The following CERS3 variants were observed in gnomAD, a reference collection of about 807,000 sequenced individuals.
The protein encoded by CERS3 is ceramide synthase 3.
In CERS3, 33 loss-of-function variants were observed where a neutral mutation model predicts 50.3. The ratio of observed to expected loss-of-function variants is 0.66; its 90% CI spans 0.50 to 0.88. The LOEUF is 0.88. CERS3 is among the 40% of genes least tolerant of loss of function. CERS3 has a pLI of 0.00. For synonymous variants in CERS3, 176 were observed against 155.2 expected (o/e 1.13, Z -0.99); for missense variants, 470 against 460.3 (o/e 1.02, Z -0.19).
chr15:100,432,579 C>G (rs1322765384), intron 11 of CERS3, among the ~76,000 whole-genome samples: 1 of 152,092 alleles, frequency 6.6e-6, no homozygotes, highest in East Asian at 1.9e-4. Context: ...GAAAACAGAC[C>G]TGCTTGATTT....
intron 4 of CERS3, among the ~76,000 whole-genome samples, chr15:100,486,432 C>T (rs8040700): frequency 0.069 from 10,536 of 152,272 alleles, 511 homozygotes; most frequent in Non-Finnish European, 0.11. Context: ...GTTTGCTACC[C>T]ACCTCCGAGG....
rs1555528069 is a variant in CERS3 at position 100,466,832 on chromosome 15, C to CTCTCTTTCTCTCTTTCTCTCTTTCTCTCT, written c.845+2545_845+2546insAGAGAGAAAGAGAGAAAGAGAGAAAGAGA. Among the ~76,000 whole-genome samples, 5 of 18,780 alleles carry CTCTCTTTCTCTCTTTCTCTCTTTCTCTCT rather than the reference C, an allele frequency of 2.7e-4. 1 individual carries two copies. Among genetic ancestry groups the CTCTCTTTCTCTCTTTCTCTCTTTCTCTCT allele is most frequent in the Non-Finnish European group, 3.6e-4 (3 of 8,362 alleles). 12.3% of individuals were successfully genotyped at this position (18,780 alleles called of 152,430 possible). On this transcript the variant is annotated intron_variant, in intron 10 of 11. Coordinates refer to ENST00000679737, the MANE Select transcript of CERS3 (RefSeq NM_001378789.1). ...CCCTCCCTCCCTCTCTCCCTCTCTC[C>CTCTCTTTCTCTCTTTCTCTCTTTCTCTCT]CTCTCTCCCTCTCTCTTTCTCTCTT...
chr15:100,521,462 C>T (rs919760286), intron 2 of CERS3, among the ~76,000 whole-genome samples: 10 of 152,126 alleles, frequency 6.6e-5, no homozygotes, highest in African/African-American at 2.4e-4. Flanking sequence ...CTTTCTCCTG[C>T]ATCTCCGCTT....
intron 11 of CERS3, among the ~76,000 whole-genome samples, chr15:100,417,044 G>C (rs1472246177): frequency 6.6e-6 from 1 of 152,180 alleles, no homozygotes; most frequent in Non-Finnish European, 1.5e-5. Context: ...ACACCAGTCA[G>C]AACGGCTATG....
chr15:100,405,413 T>C lies in CERS3; in HGVS notation c.1000-2548A>G, dbSNP rs74791154. On this transcript the variant is annotated intron_variant, in intron 11 of 11. Coordinates refer to ENST00000679737, the MANE Select transcript of CERS3 (RefSeq NM_001378789.1). ...TGATGATGTACAACTACAAACCCATTAGAATAGCACAAGTTAAAATGACTG... is the reference window on the plus strand; with the variant it reads ...TGATGATGTACAACTACAAACCCATCAGAATAGCACAAGTTAAAATGACTG... Among the ~76,000 whole-genome samples the C allele has an allele frequency of 5.2e-3, 794 of 152,122 alleles. 7 individuals are homozygous for C. Among genetic ancestry groups the C allele is most frequent in the African/African-American group, 0.018 (761 of 41,518 alleles).
Position 100,476,118 on chromosome 15 carries a change from A to G in CERS3, c.577T>C (p.Leu193=). Residue 193 remains leucine, a synonymous_variant, in exon 8 of 12, where the codon TTA becomes CTA. Coordinates refer to ENST00000679737, the MANE Select transcript of CERS3 (RefSeq NM_001378789.1). ...TTGACATCAAAGCCAAGTCTAAATA[A>G]CAGAGACCAATAAAAACTCATTTCT... ...ILEMSFYWSL[L]FRLGFDVKRK... 6.3e-7 allele frequency: 1 copy of G among 1,578,904 alleles called. No homozygotes were observed. Among genetic ancestry groups the G allele is most frequent in the East Asian group, 2.4e-5 (1 of 41,780 alleles).
intron 11 of CERS3, among the ~76,000 whole-genome samples, chr15:100,410,699 TTGTC>T (rs2031414961): frequency 6.6e-6 from 1 of 152,174 alleles, no homozygotes; most frequent in African/African-American, 2.4e-5. Context: ...GTAATTAACT[TTGTC>T]TGGTATCAAA....
At chr15:100,449,106 C>G (rs1327278309) in intron 11 of CERS3, among the ~76,000 whole-genome samples, 1 of 152,186 alleles carries the variant, frequency 6.6e-6, no homozygotes, top group Non-Finnish European at 1.5e-5. Flanking sequence ...CACACTCCCT[C>G]CCCCTACTGC....
intron 11 of CERS3, among the ~76,000 whole-genome samples, chr15:100,403,167 G>A (rs895343201): frequency 6.6e-6 from 1 of 151,814 alleles, no homozygotes; most frequent in African/African-American, 2.4e-5. Flanking sequence ...ACAATCGCTG[G>A]GTCAAAGGGT....
At chr15:100,543,686 C>G (rs111534942) in intron 1 of CERS3, among the ~76,000 whole-genome samples, 21 of 152,176 alleles carry the variant, frequency 1.4e-4, no homozygotes, top group African/African-American at 4.6e-4. Context: ...CCCACCACCA[C>G]GCTCGGCTTA....
upstream of CERS3, among the ~76,000 whole-genome samples, chr15:100,532,048 C>T (rs8038550): frequency 0.044 from 6,594 of 150,266 alleles, 186 homozygotes; most frequent in Middle Eastern, 0.099. Context: ...TTCTGGAGAG[C>T]CACTTAGGAA....
At chr15:100,428,991 C>T (rs1014931214) in intron 11 of CERS3, among the ~76,000 whole-genome samples, 4 of 152,146 alleles carry the variant, frequency 2.6e-5, no homozygotes, top group African/African-American at 9.7e-5. Context: ...CTTGCATGCT[C>T]GGGGATTAGC....
intron 11 of CERS3, among the ~76,000 whole-genome samples, chr15:100,417,235 T>A (rs2585237): frequency 6.6e-6 from 1 of 150,798 alleles, no homozygotes; most frequent in African/African-American, 2.5e-5. Flanking sequence ...GCACCGTGCG[T>A]GAGCCGAAGC....
chr15:100,470,835 G>A (rs2034946906), intron 9 of CERS3, among the ~76,000 whole-genome samples: 1 of 152,134 alleles, frequency 6.6e-6, no homozygotes. Flanking sequence ...AGTGGTAGAT[G>A]TGAAGGCTGT....
chr15:100,430,269 G>A (rs936747004), intron 11 of CERS3, among the ~76,000 whole-genome samples: 13 of 150,994 alleles, frequency 8.6e-5, no homozygotes, highest in African/African-American at 2.0e-4. Flanking sequence ...CCGAGATCAC[G>A]CCACTGCACT....
At chr15:100,415,823 C>T (rs543546254) in intron 11 of CERS3, among the ~76,000 whole-genome samples, 4 of 152,054 alleles carry the variant, frequency 2.6e-5, no homozygotes, top group Non-Finnish European at 4.4e-5. Context: ...AGGGAGCATT[C>T]GGACAAATAC....
chr15:100,469,283 C>T, intron 10 of CERS3, 95 bp downstream of exon 10: 1 of 802,130 alleles, frequency 1.2e-6, no homozygotes, highest in Non-Finnish European at 2.1e-6. Flanking sequence ...AACTGGAGAC[C>T]CACGTATGGA....
At chr15:100,451,658 G>C (rs2034174653) in intron 11 of CERS3, among the ~76,000 whole-genome samples, 1 of 152,160 alleles carries the variant, frequency 6.6e-6, no homozygotes, top group Non-Finnish European at 1.5e-5. Flanking sequence ...AGTGAGCCAA[G>C]ATCGTGCCTC....
chr15:100,450,780 A>G lies in CERS3; in HGVS notation c.999+5113T>C, dbSNP rs376138245. On this transcript the variant is annotated intron_variant, in intron 11 of 11. Coordinates refer to ENST00000679737, the MANE Select transcript of CERS3 (RefSeq NM_001378789.1). ...AGTCAAACTGTTGGAAGTCAAAAACAAAGATAGCATTCTAAGAACAGCAAC... is the reference window on the plus strand; with the variant it reads ...AGTCAAACTGTTGGAAGTCAAAAACGAAGATAGCATTCTAAGAACAGCAAC... Among the ~76,000 whole-genome samples the G allele has an allele frequency of 7.9e-5, 12 of 152,326 alleles. No individual in the cohort carries two copies. The East Asian group carries it at 2.1e-3, about 27-fold the overall frequency.
Sources: gnomAD v4.1 joint callset for allele counts (sites outside exome capture counted in the v4.1 genomes callset) on GRCh38, gnomAD v4.1.1 for gene constraint, MANE v1.5 for transcripts, NCBI Gene and HGNC (gene_info 2026-07-23, HGNC 2026-07-21) for gene names.